Variants in KCNH7 observed in about 807,000 individuals in gnomAD.
KCNH7 encodes the protein potassium voltage-gated channel subfamily H member 7, also known as voltage-gated inwardly rectifying potassium channel KCNH7.
KCNH7 carries 49 observed loss-of-function variants against 120.8 expected under a neutral mutation model. The observed-to-expected ratio is 0.41, with a 90% CI of 0.32 to 0.51. The LOEUF is 0.51. Ranked by LOEUF, KCNH7 falls within the 20% of genes least tolerant of loss-of-function variation. The pLI, the probability that KCNH7 is intolerant of heterozygous loss-of-function variation, is 0.38. For synonymous variants in KCNH7, 547 were observed against 516.1 expected (o/e 1.06, Z -0.81); for missense variants, 1,097 against 1,446.6 (o/e 0.76, Z 3.92).
chr2:162,578,671 C>A (rs1693765852), intron 2 of KCNH7, among the ~76,000 whole-genome samples: 1 of 152,016 alleles, frequency 6.6e-6, no homozygotes, highest in Non-Finnish European at 1.5e-5. Context: ...TGGAAGGTGG[C>A]ACTTGGAGAG....
At chr2:162,776,262 G>A (rs753822995) in intron 2 of KCNH7, among the ~76,000 whole-genome samples, 1 of 152,114 alleles carries the variant, frequency 6.6e-6, no homozygotes, top group Non-Finnish European at 1.5e-5. Context: ...CTTCATGTAA[G>A]TATTACATGT....
chr2:162,373,065 C>T (rs1576314030), intron 15 of KCNH7, among the ~76,000 whole-genome samples: 1 of 152,144 alleles, frequency 6.6e-6, no homozygotes, highest in East Asian at 1.9e-4. Flanking sequence ...GCCTTTGGCA[C>T]TGTAGAAAAT....
chr2:162,404,093 C>T (rs1038862234), intron 9 of KCNH7, among the ~76,000 whole-genome samples: 1 of 151,896 alleles, frequency 6.6e-6, no homozygotes, highest in South Asian at 2.1e-4. Flanking sequence ...TCATTTATGA[C>T]TCAGATACTG....
intron 6 of KCNH7, chr2:162,502,276 A>T (rs976449935): frequency 6.6e-6 from 1 of 152,014 alleles, no homozygotes; most frequent in Non-Finnish European, 1.5e-5. Context: ...GGCCCTCGTG[A>T]TGTAGGGATA....
intron 2 of KCNH7, among the ~76,000 whole-genome samples, chr2:162,647,369 C>T (rs1684401037): frequency 6.6e-6 from 1 of 152,118 alleles, no homozygotes. Context: ...ACATATGAGG[C>T]TTTCACAGTA....
chr2:162,443,125 C>T (rs1166860738), intron 7 of KCNH7, among the ~76,000 whole-genome samples: 3 of 151,802 alleles, frequency 2.0e-5, no homozygotes, highest in African/African-American at 7.3e-5. Context: ...AAATATGTGT[C>T]TCCAGACCCT....
intron 2 of KCNH7, among the ~76,000 whole-genome samples, chr2:162,768,115 A>T (rs1485437227): frequency 6.6e-6 from 1 of 152,226 alleles, no homozygotes; most frequent in African/African-American, 2.4e-5. Flanking sequence ...AGTATCTACA[A>T]CAAAATATGT....
intron 7 of KCNH7, among the ~76,000 whole-genome samples, chr2:162,436,912 C>A (rs2105526069): frequency 6.6e-6 from 1 of 151,964 alleles, no homozygotes; most frequent in Admixed American, 6.6e-5. Flanking sequence ...GTATTTGAGA[C>A]CAGCCTGGGC....
intron 6 of KCNH7, among the ~76,000 whole-genome samples, chr2:162,454,220 CTCAT>C (rs1208280811): frequency 6.6e-6 from 1 of 151,464 alleles, no homozygotes; most frequent in African/African-American, 2.4e-5. Flanking sequence ...GAATCCTTTC[CTCAT>C]TGCTTTGGTC....
At chr2:162,558,930 C>T (rs1010689218) in intron 2 of KCNH7, among the ~76,000 whole-genome samples, 21 of 151,388 alleles carry the variant, frequency 1.4e-4, no homozygotes, top group African/African-American at 4.6e-4. Flanking sequence ...TGGCAGGCGC[C>T]TGTAGTCCCA....
At chr2:162,437,595 T>A (rs1239645891) in intron 7 of KCNH7, among the ~76,000 whole-genome samples, 3 of 152,088 alleles carry the variant, frequency 2.0e-5, no homozygotes, top group Non-Finnish European at 4.4e-5. Flanking sequence ...CTTGGATAAG[T>A]TATTCATTTA....
intron 6 of KCNH7, among the ~76,000 whole-genome samples, chr2:162,500,832 A>G (rs1183699445): frequency 6.6e-6 from 1 of 152,122 alleles, no homozygotes; most frequent in Non-Finnish European, 1.5e-5. Flanking sequence ...AGGCCTAAAG[A>G]AAATAAAAAG....
At chr2:162,794,625 C>T (rs1196220333) in intron 2 of KCNH7, among the ~76,000 whole-genome samples, 1 of 152,028 alleles carries the variant, frequency 6.6e-6, no homozygotes. Flanking sequence ...GACACTTATA[C>T]TCTAAAACCT....
At chr2:162,448,125 TG>T (rs1436774399) in intron 6 of KCNH7, among the ~76,000 whole-genome samples, 2 of 152,054 alleles carry the variant, frequency 1.3e-5, no homozygotes, top group Non-Finnish European at 2.9e-5. Flanking sequence ...TGTGAAATAT[TG>T]AAAGTCCAAG....
At chr2:162,755,806 A>G (rs1353225666) in intron 2 of KCNH7, among the ~76,000 whole-genome samples, 1 of 152,196 alleles carries the variant, frequency 6.6e-6, no homozygotes, top group Non-Finnish European at 1.5e-5. Flanking sequence ...GCTGTAGTCA[A>G]CATATATTTT....
intron 12 of KCNH7, among the ~76,000 whole-genome samples, chr2:162,394,117 A>C (rs1161123240): frequency 6.6e-6 from 1 of 151,920 alleles, no homozygotes; most frequent in Non-Finnish European, 1.5e-5. Context: ...CTCCGAACGA[A>C]TTGACCTGAA....
intron 2 of KCNH7, among the ~76,000 whole-genome samples, chr2:162,613,957 T>G (rs1683057344): frequency 6.6e-6 from 1 of 151,832 alleles, no homozygotes; most frequent in Admixed American, 6.6e-5. Flanking sequence ...GAGAAAGTTT[T>G]TTTTTTTTTA....
intron 2 of KCNH7, among the ~76,000 whole-genome samples, chr2:162,644,463 C>T (rs1015881245): frequency 6.6e-6 from 1 of 152,166 alleles, no homozygotes; most frequent in African/African-American, 2.4e-5. Flanking sequence ...ATCTACAATT[C>T]TTTCTGTCCA....
At chr2:162,372,406 T>C (rs1685986081) in intron 15 of KCNH7, among the ~76,000 whole-genome samples, 1 of 152,008 alleles carries the variant, frequency 6.6e-6, no homozygotes, top group Admixed American at 6.6e-5. Flanking sequence ...TTAAGACAAA[T>C]TGGGATGAGG....
Sources: allele counts gnomAD v4.1 joint callset (sites outside exome capture counted in the v4.1 genomes callset), GRCh38; gene constraint gnomAD v4.1.1; transcripts MANE v1.5; gene names NCBI Gene and HGNC (gene_info 2026-07-23, HGNC 2026-07-21).